Variants in HACD2 observed in about 807,000 individuals in gnomAD.
HACD2 encodes very-long-chain (3R)-3-hydroxyacyl-CoA dehydratase 2.
Under a neutral mutation model 31.0 loss-of-function variants are expected in HACD2, and 15 were observed. The observed-to-expected ratio is 0.48, with a 90% CI of 0.32 to 0.75. HACD2 has a LOEUF of 0.75. Ranked by LOEUF, HACD2 falls within the 30% of genes least tolerant of loss-of-function variation. The probability of loss-of-function intolerance (pLI) is 0.03; values close to 1 mark genes in which losing one functional copy is unlikely to be tolerated. For synonymous variants in HACD2, 115 were observed against 122.2 expected, an observed-to-expected ratio of 0.94 and a Z score of 0.39; for missense variants, 283 against 313.0, an observed-to-expected ratio of 0.90 and a Z score of 0.72.
intron 3 of HACD2, among the ~76,000 whole-genome samples, chr3:123,564,672 T>C (rs77108446): frequency 1.3e-3 from 192 of 152,212 alleles, no homozygotes; most frequent in Non-Finnish European, 2.1e-3. Context: ...GAGCCTACCA[T>C]AAATCTGGGA....
At chr3:123,521,164 A>G (rs756363503) in intron 4 of HACD2, among the ~76,000 whole-genome samples, 1 of 152,210 alleles carries the variant, frequency 6.6e-6, no homozygotes, top group Non-Finnish European at 1.5e-5. Flanking sequence ...AAATTTCACC[A>G]TCAAAAATAG....
At chr3:123,569,354 G>C (rs1400123535) in intron 2 of HACD2, among the ~76,000 whole-genome samples, 1 of 152,100 alleles carries the variant, frequency 6.6e-6, no homozygotes, top group Non-Finnish European at 1.5e-5. Flanking sequence ...ACAGTACCTA[G>C]ACAGAAAACC....
intron 3 of HACD2, among the ~76,000 whole-genome samples, 200 bp downstream of exon 3, chr3:123,567,562 T>TA (rs377284704): frequency 6.6e-6 from 1 of 152,214 alleles, no homozygotes; most frequent in East Asian, 1.9e-4. Flanking sequence ...TGAACTTTAA[T>TA]AAAGTGTTCA....
intron 3 of HACD2, chr3:123,543,851 G>A (rs1000382549): frequency 2.2e-5 from 4 of 181,446 alleles, no homozygotes; most frequent in Non-Finnish European, 4.7e-5. Context: ...TAATTTATTT[G>A]TCTAATAAGT....
chr3:123,529,469 A>G (rs2056325840), intron 3 of HACD2, among the ~76,000 whole-genome samples: 1 of 151,674 alleles, frequency 6.6e-6, no homozygotes, highest in Non-Finnish European at 1.5e-5. Flanking sequence ...TCACGCCTGT[A>G]ATCCCAACAC....
At chr3:123,568,297 C>G (rs2056813997) in intron 2 of HACD2, among the ~76,000 whole-genome samples, 1 of 152,236 alleles carries the variant, frequency 6.6e-6, no homozygotes, top group South Asian at 2.1e-4. Context: ...CTGGTCCAAT[C>G]CAACCCTGTC....
chr3:123,538,446 T>A (rs2056451645), intron 3 of HACD2, among the ~76,000 whole-genome samples: 1 of 152,132 alleles, frequency 6.6e-6, no homozygotes, highest in East Asian at 1.9e-4. Flanking sequence ...GAAACAGAAA[T>A]GAATATTAAA....
At chr3:123,524,889 T>C (rs564982385) in intron 4 of HACD2, among the ~76,000 whole-genome samples, 72 of 152,298 alleles carry the variant, frequency 4.7e-4, no homozygotes, top group Admixed American at 1.1e-3. Context: ...GGGTGTGCAA[T>C]AGTCACTTTG....
intron 3 of HACD2, among the ~76,000 whole-genome samples, chr3:123,548,819 C>T (rs2056588419): frequency 6.6e-6 from 1 of 151,814 alleles, no homozygotes; most frequent in Non-Finnish European, 1.5e-5. Flanking sequence ...TATATAGGGC[C>T]TCACTATATT....
chr3:123,545,512 A>AATAG (rs2056549085), intron 3 of HACD2, among the ~76,000 whole-genome samples: 1 of 145,388 alleles, frequency 6.9e-6, no homozygotes, highest in African/African-American at 2.5e-5. Flanking sequence ...TAAATAAATA[A>AATAG]ATAAATAAAT....
At chr3:123,532,339 C>T (rs1261202554) in intron 3 of HACD2, among the ~76,000 whole-genome samples, 1 of 152,150 alleles carries the variant, frequency 6.6e-6, no homozygotes, top group Admixed American at 6.5e-5. Flanking sequence ...CAACCAGTCA[C>T]CCAGCAAACA....
chr3:123,517,085 T>G (rs1227480767), intron 4 of HACD2, among the ~76,000 whole-genome samples: 1 of 152,244 alleles, frequency 6.6e-6, no homozygotes, highest in Non-Finnish European at 1.5e-5. Context: ...TATTATTCCA[T>G]GAAGGGAAAA....
intron 2 of HACD2, among the ~76,000 whole-genome samples, chr3:123,579,721 C>A (rs1576248116): frequency 6.6e-6 from 1 of 152,306 alleles, no homozygotes; most frequent in East Asian, 1.9e-4. Context: ...ATGGTCTTGA[C>A]TCCAAATTTG....
intron 6 of HACD2, 69 bp downstream of exon 6, chr3:123,500,446 A>C: frequency 1.0e-6 from 1 of 980,112 alleles, no homozygotes; most frequent in Non-Finnish European, 1.5e-6. Flanking sequence ...AAAGACAGTC[A>C]AAGATATTTA....
At chr3:123,535,735 T>C (rs1382759859) in intron 3 of HACD2, among the ~76,000 whole-genome samples, 1 of 152,232 alleles carries the variant, frequency 6.6e-6, no homozygotes, top group Admixed American at 6.5e-5. Flanking sequence ...GGCCCCACAC[T>C]GAGTCGGAGA....
At chr3:123,573,549 C>T (rs2056877017) in intron 2 of HACD2, among the ~76,000 whole-genome samples, 1 of 152,316 alleles carries the variant, frequency 6.6e-6, no homozygotes, top group South Asian at 2.1e-4. Flanking sequence ...TCTGCTGCTG[C>T]TCAGGACAGG....
At chr3:123,551,463 A>G (rs977690050) in intron 3 of HACD2, among the ~76,000 whole-genome samples, 3 of 151,952 alleles carry the variant, frequency 2.0e-5, no homozygotes, top group Admixed American at 6.6e-5. Context: ...TACTAAAAAA[A>G]AATATATAAA....
chr3:123,563,061 A>G (rs2056751864), intron 3 of HACD2, among the ~76,000 whole-genome samples: 1 of 152,238 alleles, frequency 6.6e-6, no homozygotes, highest in African/African-American at 2.4e-5. Context: ...AATATTCACC[A>G]AACTCCTGCT....
chr3:123,524,698 G>T (rs147172156), intron 4 of HACD2, among the ~76,000 whole-genome samples: 104 of 152,240 alleles, frequency 6.8e-4, no homozygotes, highest in African/African-American at 2.3e-3. Flanking sequence ...TAGAGATGAG[G>T]TCTCACTATG....
Sources: gnomAD v4.1 joint callset for allele counts (sites outside exome capture counted in the v4.1 genomes callset) on GRCh38, gnomAD v4.1.1 for gene constraint, MANE v1.5 for transcripts, NCBI Gene and HGNC (gene_info 2026-07-23, HGNC 2026-07-21) for gene names.